Variants in TRPM3 observed in about 807,000 individuals in gnomAD.
The protein encoded by TRPM3 is transient receptor potential cation channel subfamily M member 3.
Under a neutral mutation model 181.2 loss-of-function variants are expected in TRPM3, and 77 were observed. The ratio of observed to expected loss-of-function variants is 0.42; its 90% CI spans 0.35 to 0.51. The LOEUF is 0.51. TRPM3 is among the 20% of genes least tolerant of loss of function. The pLI is 0.01. For missense variants in TRPM3, 1,759 were observed against 2,196.7 expected (o/e 0.80, Z 3.98); for synonymous variants, 745 against 796.4 (o/e 0.94, Z 1.09).
At chr9:71,434,617 T>C (rs912983997) in intron 1 of TRPM3, among the ~76,000 whole-genome samples, 1 of 152,230 alleles carries the variant, frequency 6.6e-6, no homozygotes, top group Non-Finnish European at 1.5e-5. Flanking sequence ...AGGCCCAATG[T>C]GGTATGACTT....
At chr9:71,316,195 A>G (rs1408042800) in intron 1 of TRPM3, among the ~76,000 whole-genome samples, 4 of 152,162 alleles carry the variant, frequency 2.6e-5, no homozygotes, top group African/African-American at 9.7e-5. Flanking sequence ...CTGCTAACTA[A>G]AAGGTGTTAT....
chr9:70,817,280 G>C (rs1193795804), intron 6 of TRPM3, among the ~76,000 whole-genome samples: 4 of 152,208 alleles, frequency 2.6e-5, no homozygotes, highest in Admixed American at 2.6e-4. Context: ...GCCTTCGAAA[G>C]GAAGGGCAGG....
At chr9:71,050,698 G>T (rs981185413) in intron 1 of TRPM3, among the ~76,000 whole-genome samples, 4 of 152,092 alleles carry the variant, frequency 2.6e-5, no homozygotes, top group Admixed American at 2.0e-4. Context: ...TCGAAACTCT[G>T]GTGCACACCC....
chr9:71,204,661 T>C (rs534021563), intron 1 of TRPM3, among the ~76,000 whole-genome samples: 23 of 152,276 alleles, frequency 1.5e-4, no homozygotes, highest in African/African-American at 4.6e-4. Flanking sequence ...GTGGCAATTC[T>C]TCAGGGATCT....
chr9:71,151,332 C>T (rs1327325765), intron 1 of TRPM3, among the ~76,000 whole-genome samples: 3 of 151,912 alleles, frequency 2.0e-5, no homozygotes, highest in Non-Finnish European at 4.4e-5. Context: ...AAAATGGGCA[C>T]AAAACACAAT....
intron 1 of TRPM3, among the ~76,000 whole-genome samples, chr9:71,254,445 C>T (rs568875445): frequency 6.6e-6 from 1 of 152,106 alleles, no homozygotes; most frequent in African/African-American, 2.4e-5. Flanking sequence ...TAGTCGGCAA[C>T]AACGTATTAC....
At chr9:70,864,968 C>T (rs1229130450) in intron 1 of TRPM3, among the ~76,000 whole-genome samples, 1 of 134,164 alleles carries the variant, frequency 7.5e-6, no homozygotes, top group Non-Finnish European at 1.5e-5. Flanking sequence ...AGAAAAATGG[C>T]AAGAGAATTG....
intron 1 of TRPM3, among the ~76,000 whole-genome samples, chr9:70,923,462 CAAAT>C (rs2096680059): frequency 6.6e-6 from 1 of 151,474 alleles, no homozygotes; most frequent in African/African-American, 2.4e-5. Flanking sequence ...TTTTTAATAA[CAAAT>C]GAATTTATGT....
At chr9:71,430,517 A>C (rs1384235037) in intron 1 of TRPM3, among the ~76,000 whole-genome samples, 1 of 152,180 alleles carries the variant, frequency 6.6e-6, no homozygotes, top group Non-Finnish European at 1.5e-5. Context: ...AGTGAGATTA[A>C]ATAAGAATGC....
intron 1 of TRPM3, among the ~76,000 whole-genome samples, chr9:71,286,738 G>A (rs373018267): frequency 1.4e-3 from 210 of 151,568 alleles, no homozygotes; most frequent in African/African-American, 4.8e-3. Context: ...TCAGCTTCTC[G>A]GATTCAATCT....
intron 1 of TRPM3, among the ~76,000 whole-genome samples, chr9:71,021,077 A>G (rs2097843348): frequency 1.3e-5 from 2 of 152,206 alleles, no homozygotes; most frequent in African/African-American, 4.8e-5. Flanking sequence ...GAATGCAACT[A>G]TATGAATGTC....
chr9:70,684,070 G>A (rs144389448), intron 8 of TRPM3, among the ~76,000 whole-genome samples: 450 of 152,320 alleles, frequency 3.0e-3, no homozygotes, highest in African/African-American at 0.01. Context: ...CATCTGACTT[G>A]TTCTGCTGAT....
chr9:70,701,312 G>A (rs764664464), intron 8 of TRPM3, among the ~76,000 whole-genome samples: 2 of 152,094 alleles, frequency 1.3e-5, no homozygotes, highest in African/African-American at 2.4e-5. Context: ...CAATGGCCCC[G>A]GACTGCTCAC....
At chr9:71,136,243 A>T (rs1678474571) in intron 1 of TRPM3, among the ~76,000 whole-genome samples, 1 of 152,242 alleles carries the variant, frequency 6.6e-6, no homozygotes, top group African/African-American at 2.4e-5. Context: ...AACATCAATT[A>T]TGTAGCTAGT....
At chr9:71,335,343 C>A (rs944079953) in intron 1 of TRPM3, among the ~76,000 whole-genome samples, 2 of 151,800 alleles carry the variant, frequency 1.3e-5, no homozygotes. Flanking sequence ...TTCAATATAC[C>A]AGAAGACTAT....
intron 8 of TRPM3, among the ~76,000 whole-genome samples, chr9:70,752,275 G>A (rs982997376): frequency 1.3e-5 from 2 of 152,102 alleles, no homozygotes; most frequent in African/African-American, 4.8e-5. Flanking sequence ...TCATGTATAG[G>A]TGGAAACCTG....
chr9:70,853,826 G>A (rs1421517467), intron 3 of TRPM3, among the ~76,000 whole-genome samples: 1 of 152,208 alleles, frequency 6.6e-6, no homozygotes, highest in African/African-American at 2.4e-5. Context: ...AAGCATTTAA[G>A]TGAATTAATT....
In TRPM3 at chr9:71,065,124, G is replaced by A. The variant is rs867295118; in HGVS notation, c.177+56054C>T. Among the ~76,000 whole-genome samples, 12 of 152,236 alleles carry A rather than the reference G, an allele frequency of 7.9e-5. No individual in the cohort carries two copies. In the South Asian group the frequency reaches 2.3e-3, roughly 29 times the overall value. ...AGAGCTTCCATAATATTTTATGAGT[G>A]AAACTTGTCCAAATCTCTGTACAAT... On this transcript the variant is annotated intron_variant, in intron 1 of 25. Transcript: ENST00000677713.
chr9:71,307,884 G>T (rs62543441), intron 1 of TRPM3, among the ~76,000 whole-genome samples: 2,216 of 151,798 alleles, frequency 0.015, 22 homozygotes, highest in Non-Finnish European at 0.022. Context: ...TTCTAGTAAG[G>T]CATTTATTTT....
Sources: allele counts gnomAD v4.1 joint callset (sites outside exome capture counted in the v4.1 genomes callset), GRCh38; gene constraint gnomAD v4.1.1; transcripts MANE v1.5; gene names NCBI Gene and HGNC (gene_info 2026-07-23, HGNC 2026-07-21).